Variants in ACSBG2 observed in about 807,000 individuals in gnomAD.
The protein encoded by ACSBG2 is acyl-CoA synthetase bubblegum family member 2.
A neutral mutation model predicts 74.7 loss-of-function variants in ACSBG2; 62 were observed. The ratio of observed to expected loss-of-function variants is 0.83; its 90% CI spans 0.68 to 1.03. ACSBG2 has a LOEUF of 1.03. ACSBG2 is among the 50% of genes least tolerant of loss of function. The pLI is 0.00. For missense variants in ACSBG2, 730 were observed against 817.6 expected (o/e 0.89, Z 1.31); for synonymous variants, 309 against 294.1 (o/e 1.05, Z -0.52).
intron 11 of ACSBG2, among the ~76,000 whole-genome samples, chr19:6,186,941 C>G (rs1195276397): frequency 2.0e-5 from 3 of 151,982 alleles, no homozygotes; most frequent in Non-Finnish European, 4.4e-5. Context: ...AAGTGATCTG[C>G]CCACCTCAGC....
chr19:6,188,679 C>T (rs2090472297), intron 13 of ACSBG2, among the ~76,000 whole-genome samples: 1 of 152,090 alleles, frequency 6.6e-6, no homozygotes, highest in Non-Finnish European at 1.5e-5. Context: ...AATTCCCTTG[C>T]AGGGAAGCCA....
chr19:6,178,129 C>T (rs2090140456), intron 8 of ACSBG2, among the ~76,000 whole-genome samples: 1 of 151,972 alleles, frequency 6.6e-6, no homozygotes, highest in African/African-American at 2.4e-5. Context: ...GAGGATTTAG[C>T]TCCCTTCCTC....
Position 6,187,580 on chromosome 19 carries a change from C to T in ACSBG2, c.1681-19C>T. 6.2e-7 allele frequency: 1 copy of T among 1,613,700 alleles called. No individual in the cohort carries two copies. Among genetic ancestry groups the T allele is most frequent in the Non-Finnish European group, 8.5e-7 (1 of 1,179,820 alleles). ...GCTGGTCAAGGAGCATGGGTGGTGA[C>T]AGAGGTGTCTGGGGGCAGTGTGAGA... On this transcript the variant is annotated intron_variant, in intron 12 of 14. Transcript: ENST00000588485.
chr19:6,159,714 G>A (rs534233038), intron 5 of ACSBG2, among the ~76,000 whole-genome samples: 40 of 152,178 alleles, frequency 2.6e-4, no homozygotes, highest in African/African-American at 8.4e-4. Flanking sequence ...ATTCTCTAGC[G>A]GTTTTCTGTT....
chr19:6,156,343 G>GC, intron 4 of ACSBG2, 88 bp from the exon 5 acceptor site: 1 of 1,436,642 alleles, frequency 7.0e-7, no homozygotes. Flanking sequence ...GAACTTGCCT[G>GC]CAAACCTTTC....
chr19:6,153,941 A>G (rs1345900073), intron 4 of ACSBG2, among the ~76,000 whole-genome samples: 1 of 151,976 alleles, frequency 6.6e-6, no homozygotes, highest in African/African-American at 2.4e-5. Flanking sequence ...GAAGGAAGGA[A>G]AAGAAAAGAG....
At position 6,190,830 on chromosome 19, in the gene ACSBG2, C is replaced by CAT. The variant is rs2090545474; in HGVS notation, c.*35+139_*35+140insTA. 9 of 556,222 alleles carry CAT rather than the reference C, an allele frequency of 1.6e-5. No individual in the cohort carries two copies. In the Admixed American group the frequency reaches 2.1e-4, roughly 13 times the overall value. The allele number at this position is 556,222 out of a possible 1,614,324, so 34.5% of individuals were successfully genotyped here. On this transcript the variant is annotated intron_variant, in intron 14 of 14. Coordinates refer to ENST00000588485, the MANE Select transcript of ACSBG2 (RefSeq NM_030924.5). Reference sequence around the variant, plus strand: ...ACATACATACACACACACACACACACACACACACACACACACACACACTCT... The same window carrying CAT: ...ACATACATACACACACACACACACACATACACACACACACACACACACACTCT...
intron 8 of ACSBG2, among the ~76,000 whole-genome samples, chr19:6,179,226 T>G (rs2090174083): frequency 6.6e-6 from 1 of 152,010 alleles, no homozygotes. Flanking sequence ...TTGATTTAGC[T>G]GGATATCATT....
intron 1 of ACSBG2, among the ~76,000 whole-genome samples, chr19:6,139,074 A>G (rs1304801111): frequency 7.1e-6 from 1 of 140,118 alleles, no homozygotes; most frequent in Middle Eastern, 3.3e-3. Flanking sequence ...CACTTTACTT[A>G]TTTTTAAAAT....
At chr19:6,175,452 A>AATG (rs2090066424) in intron 7 of ACSBG2, 1 of 152,248 alleles carries the variant, frequency 6.6e-6, no homozygotes, top group Non-Finnish European at 1.5e-5. Flanking sequence ...TTAGGCAGTC[A>AATG]ATGGCACTTT....
At chr19:6,176,499 C>A in intron 7 of ACSBG2, 2 of 876,400 alleles carry the variant, frequency 2.3e-6, no homozygotes, top group Non-Finnish European at 1.6e-6. Flanking sequence ...AAAAACAACA[C>A]ACACACACAC....
chr19:6,166,038 T>C, intron 7 of ACSBG2, 23 bp downstream of exon 7: 1 of 1,612,798 alleles, frequency 6.2e-7, no homozygotes, highest in Non-Finnish European at 8.5e-7. Context: ...CCCTTTGCTC[T>C]GGAGTGGTGG....
intron 8 of ACSBG2, among the ~76,000 whole-genome samples, chr19:6,179,901 G>A (rs548217531): frequency 1.3e-5 from 2 of 152,200 alleles, no homozygotes; most frequent in East Asian, 3.9e-4. Flanking sequence ...GCATAAGCAA[G>A]CGCGCCTGGT....
chr19:6,186,164 G>T (rs1443928350), intron 11 of ACSBG2, among the ~76,000 whole-genome samples: 1 of 151,768 alleles, frequency 6.6e-6, no homozygotes, highest in Non-Finnish European at 1.5e-5. Context: ...CGACAGAGTT[G>T]TAAGGATTGA....
At position 6,146,564 on chromosome 19, in the gene ACSBG2, G is replaced by A. The variant is rs189385950; in HGVS notation, c.68-882G>A. Reference sequence around the variant, plus strand: ...GCGGATCACCTGAAGTCGGGAGTTCGAGACCAGCCTGACCAACATGGAGAA... The same window carrying A: ...GCGGATCACCTGAAGTCGGGAGTTCAAGACCAGCCTGACCAACATGGAGAA... On this transcript the variant is annotated intron_variant, in intron 2 of 14. Coordinates refer to ENST00000588485, the MANE Select transcript of ACSBG2 (RefSeq NM_030924.5). 4.7e-3 allele frequency among the ~76,000 whole-genome samples: 714 copies of A among 151,776 alleles called. 8 individuals are homozygous for A. The highest frequency in any genetic ancestry group is 0.016 in the African/African-American group (679 of 41,320).
chr19:6,139,225 C>T (rs1236698510), intron 1 of ACSBG2, among the ~76,000 whole-genome samples: 1 of 151,956 alleles, frequency 6.6e-6, no homozygotes, highest in Non-Finnish European at 1.5e-5. Context: ...GTAGTTGGAA[C>T]TACAGGTGTC....
intron 1 of ACSBG2, among the ~76,000 whole-genome samples, chr19:6,141,150 C>T (rs2088814343): frequency 6.6e-6 from 1 of 152,120 alleles, no homozygotes; most frequent in Admixed American, 6.6e-5. Flanking sequence ...CCTTTAGGCC[C>T]TTTGAGTTTT....
At position 6,180,873 on chromosome 19, in the gene ACSBG2, T is replaced by A. The variant is rs568040788; in HGVS notation, c.907-1878T>A. Reference sequence around the variant, plus strand: ...ATAGTTTGCCCATATAAAAATGTGGTTGCTCTTTCTGTGCTAGCATGACTA... The same window carrying A: ...ATAGTTTGCCCATATAAAAATGTGGATGCTCTTTCTGTGCTAGCATGACTA... On this transcript the variant is annotated intron_variant, in intron 8 of 14. Coordinates refer to ENST00000588485, the MANE Select transcript of ACSBG2 (RefSeq NM_030924.5). The surrounding 1 kb of genome is among the most constrained non-coding windows in gnomAD (Gnocchi z 4.3). Among the ~76,000 whole-genome samples the A allele has an allele frequency of 5.2e-4, 79 of 151,950 alleles. No individual in the cohort carries two copies. The highest frequency in any genetic ancestry group is 1.9e-3 in the African/African-American group (77 of 41,498).
chr19:6,187,473 T>C, intron 12 of ACSBG2, 51 bp downstream of exon 12: 5 of 1,608,040 alleles, frequency 3.1e-6, no homozygotes, highest in Non-Finnish European at 4.2e-6. Flanking sequence ...CGGTCTTGGG[T>C]TCCCTGGCCC....
Sources: gnomAD v4.1 joint callset for allele counts (sites outside exome capture counted in the v4.1 genomes callset) on GRCh38, gnomAD v4.1.1 for gene constraint, Gnocchi (gnomAD v3.1) non-coding constraint, MANE v1.5 for transcripts, NCBI Gene and HGNC (gene_info 2026-07-23, HGNC 2026-07-21) for gene names.